Variants in GRIP2 observed in about 807,000 individuals in gnomAD.
The protein encoded by GRIP2 is glutamate receptor-interacting protein 2.
GRIP2 carries 58 observed loss-of-function variants against 108.3 expected under a neutral mutation model. That is an observed-to-expected ratio of 0.54 (90% CI 0.43 to 0.67). The LOEUF (loss-of-function observed/expected upper bound fraction) is 0.67, where lower values mean the gene tolerates loss of function less well. Ranked by LOEUF, GRIP2 falls within the 30% of genes least tolerant of loss-of-function variation. GRIP2 has a pLI of 0.00. For missense variants in GRIP2, 1,278 were observed against 1,430.6 expected (o/e 0.89, Z 1.72); for synonymous variants, 586 against 598.2 (o/e 0.98, Z 0.30).
At chr3:14,552,738 G>A (rs1294885779) in intron 1 of GRIP2, among the ~76,000 whole-genome samples, 6 of 151,514 alleles carry the variant, frequency 4.0e-5, no homozygotes, top group Middle Eastern at 6.8e-3. Flanking sequence ...AATTACAGGC[G>A]TGCGCCACCA....
At chr3:14,523,909 G>A (rs183410763) in intron 4 of GRIP2, 17 of 569,976 alleles carry the variant, frequency 3.0e-5, no homozygotes, top group Middle Eastern at 4.6e-4. Context: ...AGAGGAAAGG[G>A]CCTGCCCATG....
intron 9 of GRIP2, among the ~76,000 whole-genome samples, chr3:14,518,553 C>G (rs149043850): frequency 6.6e-6 from 1 of 152,142 alleles, no homozygotes; most frequent in African/African-American, 2.4e-5. Context: ...CTGCCCCGAC[C>G]CCCTAGGAGA....
Position 14,539,125 on chromosome 3 carries a change from C to A in GRIP2, c.40+1144G>T, listed in dbSNP as rs575083291. 7.9e-5 allele frequency among the ~76,000 whole-genome samples: 12 copies of A among 152,330 alleles called. No individual in the cohort carries two copies. In the Middle Eastern group the frequency reaches 0.01, roughly 130 times the overall value. On this transcript the variant is annotated intron_variant, in intron 1 of 23. Transcript: ENST00000621039. ...GCTTTGTCACTTCTGGCTATATAAC[C>A]CTGAACAAGTCACTTAGCAGCTCTC...
At chr3:14,535,336 A>G (rs566963535) in intron 1 of GRIP2, among the ~76,000 whole-genome samples, 1 of 152,182 alleles carries the variant, frequency 6.6e-6, no homozygotes, top group African/African-American at 2.4e-5. Flanking sequence ...TCTGAGCCTC[A>G]GACTTCTCCT....
At chr3:14,514,268 G>T (rs780310104) in intron 12 of GRIP2, 24 bp downstream of exon 12, 3 of 1,532,538 alleles carry the variant, frequency 2.0e-6, no homozygotes, top group South Asian at 2.5e-5. Context: ...GGCAGGCTCA[G>T]TAGGGAGGGG....
the GRIP2 span, among the ~76,000 whole-genome samples, chr3:14,591,262 G>A: frequency 1.3e-5 from 2 of 152,128 alleles, no homozygotes; most frequent in African/African-American, 2.4e-5. Context: ...CTCCTTCCCT[G>A]AGTGCCCGCC....
At chr3:14,509,028 T>G (rs1694008374) in intron 17 of GRIP2, among the ~76,000 whole-genome samples, 1 of 151,912 alleles carries the variant, frequency 6.6e-6, no homozygotes. Flanking sequence ...ATGAAGACAT[T>G]GGGGTCAGAA....
chr3:14,573,269 C>T, the GRIP2 span: 2 of 1,403,346 alleles, frequency 1.4e-6, no homozygotes, highest in Admixed American at 1.8e-5. Context: ...CTGGAACCAC[C>T]TCTGCTCGGT....
At chr3:14,560,399 G>C (rs1206053168), upstream of GRIP2, among the ~76,000 whole-genome samples, 1 of 152,106 alleles carries the variant, frequency 6.6e-6, no homozygotes, top group East Asian at 1.9e-4. Context: ...CATTTCCCTT[G>C]GGGAGCTGCT....
the GRIP2 span, among the ~76,000 whole-genome samples, chr3:14,591,017 A>G: frequency 2.0e-5 from 3 of 152,188 alleles, no homozygotes; most frequent in Admixed American, 2.0e-4. Flanking sequence ...TCTGGCCCCA[A>G]CCCACCTCTG....
chr3:14,496,518 C>T lies in GRIP2; in HGVS notation c.2722G>A (p.Gly908Ser), dbSNP rs770506329. 4.9e-5 allele frequency: 79 copies of T among 1,612,752 alleles called. No homozygotes were observed. The highest frequency in any genetic ancestry group is 6.4e-5 in the Non-Finnish European group (75 of 1,179,530). The change falls in exon 22 of 24, where the codon GGC becomes AGC. Residue 908 changes from glycine to serine, a missense_variant. Physicochemically the swap from Gly to Ser is moderately conservative, Grantham distance 56. Transcript: ENST00000621039. ...TGCCAAGGCCGGTGGCCAGGCCTGC[C>T]CTCGAGGGCCACCCTCTGCACGGTG... The part of the protein sequence containing the change: ...TGTVQRVALE[G>S]RPGHRPWQRG...
the GRIP2 span, among the ~76,000 whole-genome samples, chr3:14,602,448 A>G: frequency 1.3e-5 from 2 of 151,942 alleles, no homozygotes; most frequent in Non-Finnish European, 2.9e-5. This position sits in a 1 kb window ranked among gnomAD's most constrained non-coding sequence, Gnocchi z 4.7. Flanking sequence ...GTTGGGTGCG[A>G]CGGACCGCAG....
At chr3:14,585,128 G>A in the GRIP2 span, among the ~76,000 whole-genome samples, 1 of 152,282 alleles carries the variant, frequency 6.6e-6, no homozygotes, top group African/African-American at 2.4e-5. Flanking sequence ...GGGTTCAAAC[G>A]ATTCTCCTGT....
In GRIP2 at chr3:14,525,946, G is replaced by C; in HGVS notation, c.41-15C>G. The C allele has an allele frequency of 6.4e-7, 1 of 1,552,262 alleles. No individual in the cohort carries two copies. The highest frequency in any genetic ancestry group is 8.7e-7 in the Non-Finnish European group (1 of 1,146,954). On this transcript the variant is annotated splice_polypyrimidine_tract_variant and intron_variant, in intron 1 of 23. Coordinates refer to ENST00000621039, the MANE Select transcript of GRIP2 (RefSeq NM_001080423.4). ...GGGCCCATCGTCTGCAGGAGAGAAA[G>C]AGGGAAAGGCCGAGTTCCACTTTCG...
rs1559336272 is a variant in GRIP2, at chr3:14,509,237, G to C, written c.2078+583C>G. 1.3e-5 allele frequency among the ~76,000 whole-genome samples: 2 copies of C among 152,170 alleles called. 1 individual carries two copies. The highest frequency in any genetic ancestry group is 3.8e-4 in the East Asian group (2 of 5,198). ...CCTTTTACCGCCCGCTCGTTGCTGT[G>C]CTGGGAGCTCACCGCTTCCTTGCCT... On this transcript the variant is annotated intron_variant, in intron 17 of 23. Coordinates refer to ENST00000621039, the MANE Select transcript of GRIP2 (RefSeq NM_001080423.4).
intron 1 of GRIP2, among the ~76,000 whole-genome samples, chr3:14,537,493 A>G (rs1436756810): frequency 3.9e-5 from 6 of 152,242 alleles, no homozygotes; most frequent in Non-Finnish European, 8.8e-5. Flanking sequence ...CAGCGCACAC[A>G]TTGTCTGGCA....
At chr3:14,584,680 C>T in the GRIP2 span, among the ~76,000 whole-genome samples, 3 of 152,296 alleles carry the variant, frequency 2.0e-5, no homozygotes, top group Non-Finnish European at 4.4e-5. Flanking sequence ...GGGGCCATAA[C>T]TTGCCCAGGC....
the GRIP2 span, among the ~76,000 whole-genome samples, chr3:14,589,099 G>A: frequency 2.6e-5 from 4 of 152,096 alleles, no homozygotes; most frequent in African/African-American, 7.2e-5. Flanking sequence ...CTAAGTGGGA[G>A]CATAAACTGG....
Position 14,522,070 on chromosome 3 carries a change from A to C in GRIP2, c.567-283T>G. The C allele has an allele frequency of 2.3e-6, 1 of 428,662 alleles. No individual in the cohort carries two copies. The highest frequency in any genetic ancestry group is 4.1e-6 in the Non-Finnish European group (1 of 241,714). 26.6% of individuals were successfully genotyped at this position (428,662 alleles called of 1,614,324 possible). On this transcript the variant is annotated intron_variant, in intron 6 of 23. Transcript: ENST00000621039. The surrounding 1 kb of genome is among the most constrained non-coding windows in gnomAD (Gnocchi z 4.3). ...CAGTAATTCACAGACTCAGTGCAGA[A>C]CCCTGAAATGTCTGAGCTGGGGGTG...
Sources: allele counts gnomAD v4.1 joint callset (sites outside exome capture counted in the v4.1 genomes callset), GRCh38; gene constraint gnomAD v4.1.1; non-coding constraint Gnocchi (gnomAD v3.1); transcripts MANE v1.5; gene names NCBI Gene and HGNC (gene_info 2026-07-23, HGNC 2026-07-21).